CMPK1: variants seen among roughly 807,000 people sequenced by gnomAD.
CMPK1 encodes the protein cytidine/uridine monophosphate kinase 1.
In CMPK1, 10 loss-of-function variants were observed where a neutral mutation model predicts 25.7. That is an observed-to-expected ratio of 0.39 (90% confidence interval 0.24 to 0.66). The LOEUF (loss-of-function observed/expected upper bound fraction) is 0.66. Ranked by LOEUF, CMPK1 falls within the 30% of genes least tolerant of loss-of-function variation. The pLI, the probability that CMPK1 is intolerant of heterozygous loss-of-function variation, is 0.48. For missense variants in CMPK1, 199 were observed against 280.5 expected, an observed-to-expected ratio of 0.71 and a Z score of 2.08; for synonymous variants, 106 against 101.5, an observed-to-expected ratio of 1.04 and a Z score of -0.27.
chr1:47,360,325 A>G (rs1646592665), intron 1 of CMPK1, among the ~76,000 whole-genome samples: 1 of 152,198 alleles, frequency 6.6e-6, no homozygotes, highest in South Asian at 2.1e-4. Flanking sequence ...ACAGAATAAA[A>G]TTAAAGTGTG....
At chr1:47,368,708 C>T (rs571912736) in intron 2 of CMPK1, 93 bp downstream of exon 2, 13 of 1,203,940 alleles carry the variant, frequency 1.1e-5, no homozygotes, top group Middle Eastern at 2.3e-4. Context: ...GCTTGTGATC[C>T]CAGCATTTTG....
chr1:47,364,967 C>T (rs2246707), intron 1 of CMPK1, among the ~76,000 whole-genome samples: 63,729 of 151,886 alleles, frequency 0.42, 15,451 homozygotes, highest in South Asian at 0.55. Context: ...CACTGTGTTG[C>T]GCATGCTGGT....
At chr1:47,355,937 A>G (rs535053993) in intron 1 of CMPK1, among the ~76,000 whole-genome samples, 35 of 152,312 alleles carry the variant, frequency 2.3e-4, no homozygotes, top group Non-Finnish European at 3.8e-4. Context: ...ATAGTATCCC[A>G]TCACCTTTGT....
chr1:47,358,972 T>C, intron 1 of CMPK1: 1 of 979,856 alleles, frequency 1.0e-6, no homozygotes, highest in African/African-American at 1.7e-5. Context: ...GCTTTTGAAA[T>C]TCCTTAGGCA....
At chr1:47,337,150 G>A (rs1335844048) in intron 1 of CMPK1, among the ~76,000 whole-genome samples, 3 of 152,130 alleles carry the variant, frequency 2.0e-5, no homozygotes, top group Non-Finnish European at 2.9e-5. Context: ...GGGCGTGGTG[G>A]CAGGCGCCTG....
At chr1:47,366,205 C>T (rs1646638885) in intron 1 of CMPK1, among the ~76,000 whole-genome samples, 1 of 152,120 alleles carries the variant, frequency 6.6e-6, no homozygotes, top group African/African-American at 2.4e-5. Context: ...AACAAAAAGC[C>T]ACGATTTTTA....
chr1:47,343,407 C>A (rs1267356185), intron 1 of CMPK1, among the ~76,000 whole-genome samples: 1 of 151,204 alleles, frequency 6.6e-6, no homozygotes, highest in Non-Finnish European at 1.5e-5. Context: ...ACTCCGGAGG[C>A]TGAGGTAGGA....
chr1:47,342,156 A>G (rs2149325270), intron 1 of CMPK1, among the ~76,000 whole-genome samples: 2 of 151,512 alleles, frequency 1.3e-5, no homozygotes, highest in Admixed American at 1.3e-4. Context: ...ATCTCGGCTC[A>G]CTGCAACCTC....
chr1:47,373,109 T>C lies in CMPK1; in HGVS notation c.471+2T>C. 3 of 1,602,422 alleles carry C rather than the reference T, an allele frequency of 1.9e-6. No homozygotes were observed. The highest frequency in any genetic ancestry group is 2.6e-6 in the Non-Finnish European group (3 of 1,175,342). On this transcript the variant is annotated splice_donor_variant, in intron 3 of 5. Coordinates refer to ENST00000371873, the MANE Select transcript of CMPK1 (RefSeq NM_016308.3). LOFTEE classifies it high-confidence loss of function. ...CTCTTTTTTGACTGTAATAATGAGG[T>C]AATGAAAATCTTCATCTGCCCACAT...
chr1:47,349,897 C>A (rs990127036), intron 1 of CMPK1, among the ~76,000 whole-genome samples: 1 of 151,658 alleles, frequency 6.6e-6, no homozygotes, highest in African/African-American at 2.4e-5. Context: ...TCTCCGCCTC[C>A]CGGTTCAAGT....
intron 1 of CMPK1, among the ~76,000 whole-genome samples, chr1:47,339,323 AT>A (rs1159076829): frequency 1.3e-5 from 2 of 152,046 alleles, no homozygotes; most frequent in Non-Finnish European, 2.9e-5. Context: ...CCCAAGAAGC[AT>A]TTTATCATCT....
chr1:47,358,498 T>C (rs1646578878), intron 1 of CMPK1: 3 of 1,066,090 alleles, frequency 2.8e-6, no homozygotes, highest in African/African-American at 1.7e-5. Context: ...TAGTATAGTA[T>C]AGTATGTGTA....
At chr1:47,338,797 C>G (rs1646419007) in intron 1 of CMPK1, among the ~76,000 whole-genome samples, 1 of 151,850 alleles carries the variant, frequency 6.6e-6, no homozygotes, top group South Asian at 2.1e-4. Context: ...GTTATAAAAT[C>G]ATGATGGGAA....
rs1646701389 is a variant in CMPK1 at position 47,375,408 on chromosome 1, C to T, written c.645+115C>T. On this transcript the variant is annotated intron_variant, in intron 5 of 5. Transcript: ENST00000371873. ...TCACAGATTAGTTAGTTTTTCAAGA[C>T]ACTGGAAGCCAGTCATGGTGGCTCA... 1.3e-5 allele frequency: 9 copies of T among 673,868 alleles called. No homozygotes were observed. In the East Asian group the frequency reaches 2.3e-4, roughly 18 times the overall value. 41.7% of individuals were successfully genotyped at this position (673,868 alleles called of 1,614,324 possible).
chr1:47,365,907 C>T (rs1197667402), intron 1 of CMPK1, among the ~76,000 whole-genome samples: 1 of 151,860 alleles, frequency 6.6e-6, no homozygotes, highest in Non-Finnish European at 1.5e-5. Flanking sequence ...AAATTACTAT[C>T]TTTAGGTCAG....
At chr1:47,340,128 C>T (rs1646430471) in intron 1 of CMPK1, among the ~76,000 whole-genome samples, 1 of 149,412 alleles carries the variant, frequency 6.7e-6, no homozygotes, top group Non-Finnish European at 1.5e-5. Context: ...GTTGCCCAGG[C>T]TGCAGTGCAG....
At chr1:47,338,530 TC>T (rs1646416626) in intron 1 of CMPK1, among the ~76,000 whole-genome samples, 1 of 63,328 alleles carries the variant, frequency 1.6e-5, no homozygotes, top group Non-Finnish European at 3.8e-5. Flanking sequence ...CCTCCCTCCC[TC>T]TCTCCTTCCC....
intron 1 of CMPK1, chr1:47,358,984 A>G (rs1293187153): frequency 2.1e-6 from 2 of 969,694 alleles, no homozygotes; most frequent in Admixed American, 1.2e-4. Context: ...CCTTAGGCAA[A>G]TGATATTCTC....
intron 2 of CMPK1, among the ~76,000 whole-genome samples, chr1:47,372,517 G>A (rs74571135): frequency 1.3e-5 from 2 of 152,202 alleles, no homozygotes; most frequent in African/African-American, 2.4e-5. Flanking sequence ...AACGACTTGG[G>A]AAGAGCAAAG....
Sources: gnomAD v4.1 joint callset for allele counts (sites outside exome capture counted in the v4.1 genomes callset) on GRCh38, gnomAD v4.1.1 for gene constraint, MANE v1.5 for transcripts, NCBI Gene and HGNC (gene_info 2026-07-23, HGNC 2026-07-21) for gene names.